Variants in ST6GALNAC5 observed in about 807,000 individuals in gnomAD.
ST6GALNAC5 encodes ST6 N-acetylgalactosaminide alpha-2,6-sialyltransferase 5.
In ST6GALNAC5, 27 loss-of-function variants were observed where a neutral mutation model predicts 33.6. The ratio of observed to expected loss-of-function variants is 0.80; its 90% confidence interval spans 0.59 to 1.11. ST6GALNAC5 has a LOEUF of 1.11. ST6GALNAC5 is among the 50% of genes least tolerant of loss of function. ST6GALNAC5 has a pLI of 0.00. For synonymous variants in ST6GALNAC5, 194 were observed against 171.2 expected (o/e 1.13, Z -1.04); for missense variants, 428 against 454.0 (o/e 0.94, Z 0.52).
At chr1:76,987,040 G>A (rs930180858) in intron 2 of ST6GALNAC5, among the ~76,000 whole-genome samples, 3 of 152,140 alleles carry the variant, frequency 2.0e-5, no homozygotes, top group African/African-American at 7.2e-5. Flanking sequence ...CTGGGGGAGG[G>A]ATAGCATTAG....
At chr1:76,999,582 T>A (rs958478823) in intron 2 of ST6GALNAC5, among the ~76,000 whole-genome samples, 1 of 151,576 alleles carries the variant, frequency 6.6e-6, no homozygotes, top group Non-Finnish European at 1.5e-5. Context: ...GCTGGTGCGC[T>A]GCACCCACTA....
At chr1:76,939,194 A>G (rs1647267119) in intron 2 of ST6GALNAC5, among the ~76,000 whole-genome samples, 1 of 151,926 alleles carries the variant, frequency 6.6e-6, no homozygotes, top group Non-Finnish European at 1.5e-5. Flanking sequence ...CCGTTGGGAC[A>G]CTCGTGCCAT....
intron 2 of ST6GALNAC5, among the ~76,000 whole-genome samples, chr1:77,029,856 C>G (rs143022059): frequency 3.4e-4 from 52 of 152,290 alleles, no homozygotes; most frequent in African/African-American, 1.3e-3. Context: ...TTGAAGGTTC[C>G]AAATTGATTT....
At chr1:76,900,519 G>C (rs1415040965) in intron 2 of ST6GALNAC5, among the ~76,000 whole-genome samples, 2 of 152,104 alleles carry the variant, frequency 1.3e-5, no homozygotes, top group Admixed American at 1.3e-4. Flanking sequence ...ATATACTTTT[G>C]CAAAATAAAA....
chr1:77,005,235 G>A (rs1352301307), intron 2 of ST6GALNAC5, among the ~76,000 whole-genome samples: 1 of 152,224 alleles, frequency 6.6e-6, no homozygotes, highest in African/African-American at 2.4e-5. Context: ...CAATATTCAG[G>A]TGGGAGTGAC....
chr1:77,049,616 T>C (rs1652152365), intron 3 of ST6GALNAC5, among the ~76,000 whole-genome samples: 1 of 152,172 alleles, frequency 6.6e-6, no homozygotes, highest in African/African-American at 2.4e-5. Context: ...TAGTAAAAAT[T>C]TTCTGATATG....
At chr1:76,906,163 T>C (rs1467332437) in intron 2 of ST6GALNAC5, among the ~76,000 whole-genome samples, 2 of 152,190 alleles carry the variant, frequency 1.3e-5, no homozygotes, top group Non-Finnish European at 2.9e-5. Flanking sequence ...AGTAATGTTT[T>C]TTAAAAAAGC....
chr1:76,914,645 C>T (rs1422883854), intron 2 of ST6GALNAC5, among the ~76,000 whole-genome samples: 1 of 152,070 alleles, frequency 6.6e-6, no homozygotes, highest in Non-Finnish European at 1.5e-5. Flanking sequence ...CATATGTAGA[C>T]AGCTGAAACT....
chr1:76,930,927 C>A (rs1647133677), intron 2 of ST6GALNAC5, among the ~76,000 whole-genome samples: 1 of 152,160 alleles, frequency 6.6e-6, no homozygotes, highest in African/African-American at 2.4e-5. Flanking sequence ...TCCTGGTGTT[C>A]ACACCCTTGC....
At chr1:76,966,879 G>C (rs888083449) in intron 2 of ST6GALNAC5, among the ~76,000 whole-genome samples, 9 of 152,188 alleles carry the variant, frequency 5.9e-5, no homozygotes, top group Non-Finnish European at 1.0e-4. Flanking sequence ...CATTGGTTCT[G>C]TTTATGTGAT....
chr1:76,897,149 C>T (rs566518420), intron 2 of ST6GALNAC5, among the ~76,000 whole-genome samples: 1 of 152,224 alleles, frequency 6.6e-6, no homozygotes, highest in South Asian at 2.1e-4. Flanking sequence ...TGCGGCAGTA[C>T]AGCCTAGGTA....
At chr1:76,910,891 AG>A (rs1241843453) in intron 2 of ST6GALNAC5, among the ~76,000 whole-genome samples, 2 of 151,918 alleles carry the variant, frequency 1.3e-5, no homozygotes, top group Non-Finnish European at 2.9e-5. Flanking sequence ...AAAAAAAAAA[AG>A]AGCATAATTC....
chr1:76,957,674 A>C (rs1301877347), intron 2 of ST6GALNAC5, among the ~76,000 whole-genome samples: 3 of 146,636 alleles, frequency 2.0e-5, no homozygotes, highest in Non-Finnish European at 4.5e-5. Flanking sequence ...ATGACACTAC[A>C]CCCCTAAATA....
chr1:77,038,969 T>C (rs988835147), intron 2 of ST6GALNAC5, among the ~76,000 whole-genome samples: 1 of 152,224 alleles, frequency 6.6e-6, no homozygotes, highest in African/African-American at 2.4e-5. Flanking sequence ...CTCCTCTAAA[T>C]TGCAGATAGT....
At chr1:77,062,636 T>C (rs1652616598) in intron 4 of ST6GALNAC5, among the ~76,000 whole-genome samples, 1 of 152,110 alleles carries the variant, frequency 6.6e-6, no homozygotes, top group African/African-American at 2.4e-5. Flanking sequence ...TTTGTTTTGG[T>C]AATATCTCTG....
intron 2 of ST6GALNAC5, among the ~76,000 whole-genome samples, chr1:76,916,561 A>T (rs1646977138): frequency 6.6e-6 from 1 of 152,122 alleles, no homozygotes; most frequent in Admixed American, 6.6e-5. Context: ...TCCAGTAGAA[A>T]ACTAATGAAT....
intron 2 of ST6GALNAC5, among the ~76,000 whole-genome samples, chr1:76,974,706 A>G (rs542675543): frequency 0.16 from 1,664 of 10,692 alleles, 37 homozygotes; most frequent in African/African-American, 0.42. Flanking sequence ...AGTATGAAAT[A>G]TAAGATAACA....
At chr1:76,936,379 A>G (rs536252445) in intron 2 of ST6GALNAC5, among the ~76,000 whole-genome samples, 2 of 152,032 alleles carry the variant, frequency 1.3e-5, no homozygotes, top group African/African-American at 4.8e-5. Flanking sequence ...TGTCTGATTC[A>G]TTGTCTTTAA....
chr1:76,867,766 G>A, intron 1 of ST6GALNAC5, 76 bp downstream of exon 1: 1 of 1,602,738 alleles, frequency 6.2e-7, no homozygotes, highest in Non-Finnish European at 8.5e-7. Flanking sequence ...GCACCGTGGA[G>A]ACTCCGAGAC....
Sources: allele counts gnomAD v4.1 joint callset (sites outside exome capture counted in the v4.1 genomes callset), GRCh38; gene constraint gnomAD v4.1.1; transcripts MANE v1.5; gene names NCBI Gene and HGNC (gene_info 2026-07-23, HGNC 2026-07-21).